The following SCARF1 variants were observed in gnomAD, a reference collection of about 807,000 sequenced individuals.
SCARF1 encodes the protein acetyl LDL receptor.
SCARF1 carries 49 observed loss-of-function variants against 76.3 expected under a neutral mutation model. The observed-to-expected ratio is 0.64, with a 90% CI of 0.51 to 0.81. The LOEUF is 0.81. Among genes scored for constraint, SCARF1 ranks in the 40% least tolerant of loss-of-function variants. SCARF1 has a pLI of 0.00. For synonymous variants in SCARF1, 495 were observed against 474.6 expected (o/e 1.04, Z -0.56); for missense variants, 1,098 against 1,143.9 (o/e 0.96, Z 0.58).
chr17:1,637,889 T>TC (rs1397457819), intron 8 of SCARF1, among the ~76,000 whole-genome samples: 1 of 152,222 alleles, frequency 6.6e-6, no homozygotes, highest in Non-Finnish European at 1.5e-5. Flanking sequence ...CCTTTGCACC[T>TC]GTCCTCGTGT....
rs761298309 is a variant in SCARF1 at position 1,635,650 on chromosome 17, C to A, written c.1634-33G>T. The A allele has an allele frequency of 1.4e-5, 22 of 1,576,990 alleles. No homozygotes were observed. The African/African-American group carries it at 2.8e-4, about 20-fold the overall frequency. ...AGGAGACAGAAGAGCTTGGCTGGAG[C>A]TGAACTGGCCACCCCAATGCATCCT... On this transcript the variant is annotated intron_variant, in intron 10 of 10. Coordinates refer to ENST00000263071, the MANE Select transcript of SCARF1 (RefSeq NM_003693.4).
At chr17:1,641,985 G>A (rs1244502400) in intron 4 of SCARF1, among the ~76,000 whole-genome samples, 2 of 152,088 alleles carry the variant, frequency 1.3e-5, no homozygotes, top group African/African-American at 2.4e-5. Context: ...GCCTCTCAAA[G>A]TGCTGGGATT....
rs570471586 is a variant in SCARF1 at position 1,644,646 on chromosome 17, G to A, written c.265+188C>T. 50 of 615,064 alleles carry A rather than the reference G, an allele frequency of 8.1e-5. No homozygotes were observed. Among genetic ancestry groups the A allele is most frequent in the Middle Eastern group, 4.2e-4 (1 of 2,400 alleles). The allele number at this position is 615,064 out of a possible 1,614,324, so 38.1% of individuals were successfully genotyped here. A position where few individuals can be genotyped will look rare whatever the true frequency, so the allele number is the denominator to read the frequency against. ...GCTTTGTGGATGTGGGTAAAAACCC[G>A]GTGACTCAGGTCATCTCCCGGGAGT... On this transcript the variant is annotated intron_variant, in intron 3 of 10. Transcript: ENST00000263071. This position sits in a 1 kb window ranked among gnomAD's most constrained non-coding sequence, Gnocchi z 4.8.
Position 1,643,541 on chromosome 17 carries a change from C to A in SCARF1, c.692G>T (p.Ser231Ile), listed in dbSNP as rs982974544. 1 of 1,423,398 alleles carries A rather than the reference C, an allele frequency of 7.0e-7. No homozygotes were observed. The allele number at this position is 1,423,398 out of a possible 1,614,324, so 88.2% of individuals were successfully genotyped here. The change falls in exon 4 of 11, where the codon AGC (serine) becomes ATC (isoleucine). Residue 231 changes from serine to isoleucine, a missense_variant. Transcript: ENST00000263071. Reference sequence around the variant, plus strand: ...GCAGGTGCACTCGCCGGAGGCGGCGCTGCAGCGGCCCCGCACACACTCGCA... The same window carrying A: ...GCAGGTGCACTCGCCGGAGGCGGCGATGCAGCGGCCCCGCACACACTCGCA... The part of the protein sequence containing the change: ...QQCECVRGRC[S>I]AASGECTCPP...
At chr17:1,638,664 A>G in intron 8 of SCARF1, 142 bp downstream of exon 8, 1 of 1,162,672 alleles carries the variant, frequency 8.6e-7, no homozygotes, top group South Asian at 2.2e-5. Context: ...GGGGGCGACA[A>G]GGCCAGCCCT....
In SCARF1 at chr17:1,643,503, G is replaced by C. The variant is rs958902032; in HGVS notation, c.730C>G (p.Arg244Gly). Residue 244 changes from arginine to glycine, a missense_variant, in exon 4 of 11, where the codon CGC becomes GGC. By Grantham distance (125) the Arg-to-Gly change is moderately radical (BLOSUM62 -2). Transcript: ENST00000263071. ...CAGGGCAGCTCGCAGCGCGCTCCGC[G>C]GAAGCCGGGCGGGCAGGTGCACTCG... ...SGECTCPPGF[R>G]GARCELPCPA... 38 of 1,345,004 alleles carry C rather than the reference G, an allele frequency of 2.8e-5. No homozygotes were observed. Among genetic ancestry groups the C allele is most frequent in the Non-Finnish European group, 3.6e-5 (38 of 1,055,224 alleles). 83.3% of individuals were successfully genotyped at this position (1,345,004 alleles called of 1,614,324 possible). A position where few individuals can be genotyped will look rare whatever the true frequency, so the allele number is the denominator to read the frequency against.
rs1040055051 is a variant in SCARF1 at position 1,644,566 on chromosome 17, A to G, written c.265+268T>C. ...AAGTAATACACTCATTTTACAATGA[A>G]GGGGAATCACAGGTTTTCTGAGAAG... On this transcript the variant is annotated intron_variant, in intron 3 of 10. Coordinates refer to ENST00000263071, the MANE Select transcript of SCARF1 (RefSeq NM_003693.4). This position sits in a 1 kb window ranked among gnomAD's most constrained non-coding sequence, Gnocchi z 4.8. 4 of 585,724 alleles carry G rather than the reference A, an allele frequency of 6.8e-6. No individual in the cohort carries two copies. Among genetic ancestry groups the G allele is most frequent in the Non-Finnish European group, 1.2e-5 (4 of 327,784 alleles). The allele number at this position is 585,724 out of a possible 1,614,324, so 36.3% of individuals were successfully genotyped here. A position where few individuals can be genotyped will look rare whatever the true frequency, so the allele number is the denominator to read the frequency against.
At chr17:1,637,483 T>C (rs1909684841) in intron 8 of SCARF1, among the ~76,000 whole-genome samples, 1 of 152,054 alleles carries the variant, frequency 6.6e-6, no homozygotes, top group South Asian at 2.1e-4. Flanking sequence ...TCTCTCTCTC[T>C]ATTTTTGGGA....
In SCARF1 at chr17:1,636,700, G is replaced by C. The variant is rs749033056; in HGVS notation, c.1633+9C>G. On this transcript the variant is annotated intron_variant, in intron 10 of 10. Coordinates refer to ENST00000263071, the MANE Select transcript of SCARF1 (RefSeq NM_003693.4). ...TGCTCAGGGGCTATGTGGGCTGTTG[G>C]GGGGCTACCTTCTTGGGGTGGCACA... 2.5e-6 allele frequency: 4 copies of C among 1,613,614 alleles called. No homozygotes were observed. The South Asian group carries it at 3.3e-5, about 13-fold the overall frequency.
chr17:1,639,812 G>A (rs1388050068), intron 6 of SCARF1, 70 bp from the exon 7 acceptor site: 1 of 1,607,028 alleles, frequency 6.2e-7, no homozygotes, highest in Non-Finnish European at 8.5e-7. Context: ...AGACGGGCAG[G>A]GAGATTTCTG....
rs1316637049 is a variant in SCARF1, at chr17:1,643,945, GC to G, written c.287del (p.Gly96AlafsTer271). On this transcript the variant is annotated frameshift_variant, in exon 4 of 11. Coordinates refer to ENST00000263071, the MANE Select transcript of SCARF1 (RefSeq NM_003693.4). LOFTEE classifies it high-confidence loss of function. ...CSSRCPGQYW[G>X]PDCRESCPCH... Reference sequence around the variant, plus strand: ...AGGGGCAGCTCTCACGGCAGTCGGGGCCCCAGTACTGGCCCGGGCAGCCTGC... The same window carrying G: ...AGGGGCAGCTCTCACGGCAGTCGGGGCCCAGTACTGGCCCGGGCAGCCTGC... 3 of 1,349,104 alleles carry G rather than the reference GC, an allele frequency of 2.2e-6. No homozygotes were observed. The highest frequency in any genetic ancestry group is 5.5e-4 in the Middle Eastern group (2 of 3,632). 83.6% of individuals were successfully genotyped at this position (1,349,104 alleles called of 1,614,324 possible).
chr17:1,636,114 G>A (rs1160306479), intron 10 of SCARF1, among the ~76,000 whole-genome samples: 2 of 152,092 alleles, frequency 1.3e-5, no homozygotes, highest in Admixed American at 6.6e-5. Flanking sequence ...GATTCTGCTA[G>A]ACTCGACTGG....
Position 1,636,952 on chromosome 17 carries a change from G to C in SCARF1, c.1475C>G (p.Pro492Arg), listed in dbSNP as rs760301484. The C allele has an allele frequency of 6.8e-6, 11 of 1,614,060 alleles. No homozygotes were observed. The highest frequency in any genetic ancestry group is 9.3e-6 in the Non-Finnish European group (11 of 1,180,010). Residue 492 changes from proline to arginine, a missense_variant, in exon 9 of 11, where the codon CCC becomes CGC. Pro to Arg is a moderately radical substitution (Grantham distance 103, BLOSUM62 -2). Coordinates refer to ENST00000263071, the MANE Select transcript of SCARF1 (RefSeq NM_003693.4). ...CAGCGCCCACTGACCTGTCACCCAG[G>C]GTAGCTTGTGGGAGCTGAGGGAACG... ...PCRSLSSHKL[P>R]WVTVSHHDPE...
At chr17:1,639,610 C>A in intron 7 of SCARF1, 29 bp downstream of exon 7, 1 of 1,516,028 alleles carries the variant, frequency 6.6e-7, no homozygotes, top group Non-Finnish European at 9.0e-7. Context: ...TCCCTGGCTA[C>A]TGCACCCCGC....
In SCARF1 at chr17:1,637,049, C is replaced by T. The variant is rs768343153; in HGVS notation, c.1378G>A (p.Gly460Arg). 33 of 1,613,880 alleles carry T rather than the reference C, an allele frequency of 2.0e-5. No homozygotes were observed. The highest frequency in any genetic ancestry group is 2.7e-5 in the Non-Finnish European group (32 of 1,180,026). The stretch of plus-strand genomic sequence containing the variant: ...AGCTTCATCCTGGACACGGTAGCTC[C>T]ATCTCTCGCTGGCCTGAGGGAGGAG... ...SDLKDRPARD[G>R]ATVSRMKLQV... Residue 460 changes from glycine to arginine, a missense_variant, in exon 9 of 11, where the codon GGA becomes AGA. Gly to Arg is a moderately radical substitution (Grantham distance 125, BLOSUM62 -2). Coordinates refer to ENST00000263071, the MANE Select transcript of SCARF1 (RefSeq NM_003693.4).
At chr17:1,637,767 C>T (rs554560817) in intron 8 of SCARF1, among the ~76,000 whole-genome samples, 133 of 152,278 alleles carry the variant, frequency 8.7e-4, no homozygotes, top group East Asian at 7.3e-3. Context: ...TCACTGCGCC[C>T]GGCGCACCTG....
Position 1,643,548 on chromosome 17 carries a change from G to A in SCARF1, c.685C>T (p.Arg229Cys). 1 of 1,430,222 alleles carries A rather than the reference G, an allele frequency of 7.0e-7. No individual in the cohort carries two copies. The highest frequency in any genetic ancestry group is 1.4e-5 in the South Asian group (1 of 72,024). 88.6% of individuals were successfully genotyped at this position (1,430,222 alleles called of 1,614,324 possible). A position where few individuals can be genotyped will look rare whatever the true frequency, so the allele number is the denominator to read the frequency against. The change falls in exon 4 of 11, where the codon CGC becomes TGC. Residue 229 changes from arginine (R) to cysteine (C), a missense_variant. Transcript: ENST00000263071. ...CACTCGCCGGAGGCGGCGCTGCAGC[G>A]GCCCCGCACACACTCGCACTGCTGC... is the stretch of plus-strand genomic sequence containing the variant. The part of the protein sequence containing the change: ...CQQQCECVRG[R>C]CSAASGECTC...
In SCARF1 at chr17:1,634,884, T is replaced by G; in HGVS notation, c.2367A>C (p.Arg789Ser). 1.9e-6 allele frequency: 3 copies of G among 1,613,744 alleles called. No homozygotes were observed. Among genetic ancestry groups the G allele is most frequent in the Non-Finnish European group, 2.5e-6 (3 of 1,179,916 alleles). Reference sequence around the variant, plus strand: ...CACAGCCAGAGACTGGCTCCTGGGCTCTCCTTGAACTCTCGGTGCCAGCCC... The same window carrying G: ...CACAGCCAGAGACTGGCTCCTGGGCGCTCCTTGAACTCTCGGTGCCAGCCC... ...GLGAGTESSR[R>S]AQEPVSGCGS... Residue 789 changes from arginine (R) to serine (S), a missense_variant, in exon 11 of 11, where the codon AGA becomes AGC. Coordinates refer to ENST00000263071, the MANE Select transcript of SCARF1 (RefSeq NM_003693.4).
intron 10 of SCARF1, among the ~76,000 whole-genome samples, 168 bp from the exon 11 acceptor site, chr17:1,635,785 C>CTCTTT (rs554604889): frequency 0.57 from 83,293 of 146,720 alleles, 25,038 homozygotes; most frequent in East Asian, 0.87. Flanking sequence ...TACTTCTACA[C>CTCTTT]TTTTTTTTTT....
Sources: allele counts gnomAD v4.1 joint callset (sites outside exome capture counted in the v4.1 genomes callset), GRCh38; gene constraint gnomAD v4.1.1; non-coding constraint Gnocchi (gnomAD v3.1); transcripts MANE v1.5; gene names NCBI Gene and HGNC (gene_info 2026-07-23, HGNC 2026-07-21).